Variants in PCDHGB3 observed in about 807,000 individuals in gnomAD.
PCDHGB3 encodes protocadherin gamma-B3.
Under a neutral mutation model 59.2 loss-of-function variants are expected in PCDHGB3, and 40 were observed. The observed-to-expected ratio is 0.68, with a 90% CI of 0.52 to 0.88. The LOEUF is 0.88. Among genes scored for constraint, PCDHGB3 ranks in the 40% least tolerant of loss-of-function variants. The pLI is 0.00. For synonymous variants in PCDHGB3, 581 were observed against 503.6 expected (o/e 1.15, Z -2.06); for missense variants, 1,309 against 1,187.9 (o/e 1.10, Z -1.50).
rs1243112302 is a variant in PCDHGB3, at chr5:141,476,738, C to G, written c.2416-18069C>G. 6.2e-7 allele frequency: 1 copy of G among 1,614,076 alleles called. No homozygotes were observed. Among genetic ancestry groups the G allele is most frequent in the Non-Finnish European group, 8.5e-7 (1 of 1,180,028 alleles). On this transcript the variant is annotated intron_variant, in intron 1 of 3. Transcript: ENST00000576222. This position sits in a 1 kb window ranked among gnomAD's most constrained non-coding sequence, Gnocchi z 7.6. ...GCGCGCCCTGGACCGAGAACGGGAG[C>G]CTAGTCTCCAGTTAGTGCTGACGGC...
At chr5:141,469,362 G>C (rs915161729) in intron 1 of PCDHGB3, among the ~76,000 whole-genome samples, 14 of 152,084 alleles carry the variant, frequency 9.2e-5, no homozygotes, top group Non-Finnish European at 7.4e-5. Flanking sequence ...GGATCATGAG[G>C]TAAAGAGATC....
At chr5:141,474,215 A>G (rs1393533136) in intron 1 of PCDHGB3, among the ~76,000 whole-genome samples, 1 of 152,216 alleles carries the variant, frequency 6.6e-6, no homozygotes, top group East Asian at 1.9e-4. Context: ...CAAAAACCAG[A>G]TTGTGAATTA....
intron 1 of PCDHGB3, chr5:141,478,871 T>C: frequency 2.4e-6 from 3 of 1,274,796 alleles, no homozygotes; most frequent in Non-Finnish European, 3.1e-6. Flanking sequence ...GCGATCAGAG[T>C]TTAGCTTGGT....
chr5:141,402,714 T>G (rs1024254405), intron 1 of PCDHGB3, among the ~76,000 whole-genome samples: 2 of 152,220 alleles, frequency 1.3e-5, no homozygotes, highest in African/African-American at 4.8e-5. Flanking sequence ...TAGTAACGGC[T>G]TAGGACTCTG....
chr5:141,385,219 A>C, intron 1 of PCDHGB3: 1 of 1,614,236 alleles, frequency 6.2e-7, no homozygotes, highest in Non-Finnish European at 8.5e-7. Flanking sequence ...CCCCCAGCCC[A>C]ACTATGTAGA....
chr5:141,408,918 C>T, intron 1 of PCDHGB3: 1 of 1,613,408 alleles, frequency 6.2e-7, no homozygotes. Flanking sequence ...AATGATAACC[C>T]CCCGGTTTTC....
chr5:141,491,855 G>A lies in PCDHGB3; in HGVS notation c.2416-2952G>A. ...TTCTCGGGATCATTGGACCGTTTGC[G>A]CGAAACCAGAGTGGCCGATTAAGGG... On this transcript the variant is annotated intron_variant, in intron 1 of 3. Coordinates refer to ENST00000576222, the MANE Select transcript of PCDHGB3 (RefSeq NM_018924.5). The surrounding 1 kb of genome is among the most constrained non-coding windows in gnomAD (Gnocchi z 6.9). The A allele has an allele frequency of 2.7e-6, 4 of 1,459,380 alleles. No individual in the cohort carries two copies. The highest frequency in any genetic ancestry group is 3.6e-6 in the Non-Finnish European group (4 of 1,103,492). The allele number at this position is 1,459,380 out of a possible 1,614,324, so 90.4% of individuals were successfully genotyped here. A position where few individuals can be genotyped will look rare whatever the true frequency, so the allele number is the denominator to read the frequency against.
chr5:141,379,813 T>C (rs1775841720), intron 1 of PCDHGB3, among the ~76,000 whole-genome samples: 1 of 150,950 alleles, frequency 6.6e-6, no homozygotes, highest in South Asian at 2.1e-4. Flanking sequence ...GAGAGTTCAG[T>C]ATAGAATTTT....
In PCDHGB3 at chr5:141,432,916, G is replaced by C; in HGVS notation, c.2415+60107G>C. ...TGCTGGCGCTCAGGCTGCGGCGCTG[G>C]CACAAGTCACGCCTGCTGCAGGCTT... On this transcript the variant is annotated intron_variant, in intron 1 of 3. Coordinates refer to ENST00000576222, the MANE Select transcript of PCDHGB3 (RefSeq NM_018924.5). The surrounding 1 kb of genome is among the most constrained non-coding windows in gnomAD (Gnocchi z 6.0). 1 of 1,614,196 alleles carries C rather than the reference G, an allele frequency of 6.2e-7. No homozygotes were observed. The highest frequency in any genetic ancestry group is 8.5e-7 in the Non-Finnish European group (1 of 1,180,040).
chr5:141,380,638 T>G (rs1776626783), intron 1 of PCDHGB3, among the ~76,000 whole-genome samples: 1 of 152,254 alleles, frequency 6.6e-6, no homozygotes, highest in Non-Finnish European at 1.5e-5. Context: ...AAAATGTGAA[T>G]GCTAGAGACA....
chr5:141,371,542 T>A lies in PCDHGB3; in HGVS notation c.1148T>A (p.Leu383Gln). The A allele has an allele frequency of 6.2e-7, 1 of 1,613,786 alleles. No individual in the cohort carries two copies. The highest frequency in any genetic ancestry group is 8.5e-7 in the Non-Finnish European group (1 of 1,179,750). The change falls in exon 1 of 4, where the codon CTA (leucine) becomes CAA (glutamine). Residue 383 changes from leucine (L) to glutamine (Q), a missense_variant. Physicochemically the swap from Leu to Gln is moderately radical, Grantham distance 113. Coordinates refer to ENST00000576222, the MANE Select transcript of PCDHGB3 (RefSeq NM_018924.5). ...GATTCTGGATTTAATGGAGAAATCC[T>A]ATGCCAACTAAAAGGAAACTTCCCC... ...DLDSGFNGEILCQLKGNFPFK... is the reference protein window; with the variant it reads ...DLDSGFNGEIQCQLKGNFPFK...
chr5:141,423,348 C>G, intron 1 of PCDHGB3: 1 of 1,614,222 alleles, frequency 6.2e-7, no homozygotes. Flanking sequence ...TCTTCCTGGT[C>G]TTTGTCATCG....
Position 141,418,614 on chromosome 5 carries a change from G to A in PCDHGB3, c.2415+45805G>A, listed in dbSNP as rs777074200. ...CAGGACGTGTACAGGGTTAGCCTTC[G>A]GGAAGACGTGCCTCCAGGCACCTCC... is the stretch of plus-strand genomic sequence containing the variant. On this transcript the variant is annotated intron_variant, in intron 1 of 3. Transcript: ENST00000576222. The A allele has an allele frequency of 5.0e-6, 8 of 1,613,876 alleles. No homozygotes were observed. In the East Asian group the frequency reaches 1.1e-4, roughly 22 times the overall value.
intron 1 of PCDHGB3, among the ~76,000 whole-genome samples, chr5:141,445,357 G>C (rs115045385): frequency 0.013 from 1,909 of 152,252 alleles, 31 homozygotes; most frequent in African/African-American, 0.044. Flanking sequence ...GTCTGCCCAA[G>C]TCTGGTCCTG....
intron 1 of PCDHGB3, chr5:141,414,320 A>G: frequency 1.9e-6 from 3 of 1,613,840 alleles, no homozygotes; most frequent in Middle Eastern, 1.6e-4. Flanking sequence ...GACTCTGAGC[A>G]GAATGGACAG....
intron 1 of PCDHGB3, chr5:141,384,038 G>T: frequency 6.2e-7 from 1 of 1,613,110 alleles, no homozygotes; most frequent in South Asian, 1.1e-5. Flanking sequence ...GGAAAGAATG[G>T]TGAGGTGACC....
chr5:141,389,487 C>T (rs997165354), intron 1 of PCDHGB3: 2 of 1,612,906 alleles, frequency 1.2e-6, no homozygotes, highest in African/African-American at 1.3e-5. Context: ...GGCCCGCGAC[C>T]AGGGCTCGCC....
Position 141,372,201 on chromosome 5 carries a change from T to C in PCDHGB3, c.1807T>C (p.Trp603Arg). The C allele has an allele frequency of 6.2e-7, 1 of 1,613,588 alleles. No individual in the cohort carries two copies. The highest frequency in any genetic ancestry group is 8.5e-7 in the Non-Finnish European group (1 of 1,179,914). Residue 603 changes from tryptophan to arginine, a missense_variant, in exon 1 of 4, where the codon TGG becomes CGG. Coordinates refer to ENST00000576222, the MANE Select transcript of PCDHGB3 (RefSeq NM_018924.5). ...GGACGCAGACTCGGGATACAACGCC[T>C]GGCTGTCCTACCACATTGTGCAGGC... ...AVDADSGYNA[W>R]LSYHIVQASE...
At position 141,431,424 on chromosome 5, in the gene PCDHGB3, G is replaced by A; in HGVS notation, c.2415+58615G>A. The A allele has an allele frequency of 1.9e-6, 3 of 1,613,676 alleles. No individual in the cohort carries two copies. The highest frequency in any genetic ancestry group is 2.5e-6 in the Non-Finnish European group (3 of 1,180,028). On this transcript the variant is annotated intron_variant, in intron 1 of 3. Coordinates refer to ENST00000576222, the MANE Select transcript of PCDHGB3 (RefSeq NM_018924.5). The surrounding 1 kb of genome is among the most constrained non-coding windows in gnomAD (Gnocchi z 4.8). ...GCCTCCGACGGGGGCGACCCGGTGC[G>A]CACAGGCACCGCGCGCATCCGCGTG... is the stretch of plus-strand genomic sequence containing the variant.
Sources: allele counts gnomAD v4.1 joint callset (sites outside exome capture counted in the v4.1 genomes callset), GRCh38; gene constraint gnomAD v4.1.1; non-coding constraint Gnocchi (gnomAD v3.1); transcripts MANE v1.5; gene names NCBI Gene and HGNC (gene_info 2026-07-23, HGNC 2026-07-21).